The following TMEM132D variants were observed in gnomAD, a reference collection of about 807,000 sequenced individuals.
TMEM132D encodes transmembrane protein 132D, also known as mature OL transmembrane protein.
TMEM132D carries 21 observed loss-of-function variants against 62.3 expected under a neutral mutation model. That is an observed-to-expected ratio of 0.34 (90% CI 0.24 to 0.49). The LOEUF is 0.49. TMEM132D is among the 20% of genes least tolerant of loss of function. The pLI is 0.99. For missense variants in TMEM132D, 1,346 were observed against 1,402.8 expected (o/e 0.96, Z 0.65); for synonymous variants, 621 against 575.6 (o/e 1.08, Z -1.13).
At chr12:129,768,256 T>C (rs1015920994) in intron 1 of TMEM132D, among the ~76,000 whole-genome samples, 5 of 152,170 alleles carry the variant, frequency 3.3e-5, no homozygotes, top group African/African-American at 1.2e-4. Context: ...TGCTAGATCA[T>C]ATATTGATTC....
At chr12:129,558,244 T>A (rs2137111158) in intron 2 of TMEM132D, among the ~76,000 whole-genome samples, 1 of 152,262 alleles carries the variant, frequency 6.6e-6, no homozygotes, top group African/African-American at 2.4e-5. Context: ...GCATGAAAGA[T>A]CACATTCTGG....
intron 1 of TMEM132D, among the ~76,000 whole-genome samples, chr12:129,757,287 T>A (rs899262953): frequency 1.3e-5 from 2 of 152,204 alleles, no homozygotes; most frequent in Non-Finnish European, 2.9e-5. Context: ...GATGATGGAA[T>A]TCTGCTATTA....
chr12:129,788,120 T>G (rs1388549826), intron 1 of TMEM132D, among the ~76,000 whole-genome samples: 3 of 152,220 alleles, frequency 2.0e-5, no homozygotes, highest in Non-Finnish European at 2.9e-5. Context: ...ATCTCTGAAT[T>G]CATCAACATC....
chr12:129,544,924 C>A (rs527467216), intron 2 of TMEM132D, among the ~76,000 whole-genome samples: 1 of 152,282 alleles, frequency 6.6e-6, no homozygotes, highest in Admixed American at 6.5e-5. Context: ...GTCACAACAC[C>A]GCACCAGCGA....
At chr12:129,787,261 A>T (rs1371916497) in intron 1 of TMEM132D, among the ~76,000 whole-genome samples, 1 of 152,166 alleles carries the variant, frequency 6.6e-6, no homozygotes, top group Non-Finnish European at 1.5e-5. Flanking sequence ...AGTCAGGAGG[A>T]AAGAGAGACT....
At chr12:129,152,541 TAATGAGCAGTTTGC>T (rs1337825906) in intron 5 of TMEM132D, among the ~76,000 whole-genome samples, 1 of 152,178 alleles carries the variant, frequency 6.6e-6, no homozygotes, top group Non-Finnish European at 1.5e-5. Flanking sequence ...GGCTTTTTAA[TAATGAGCAGTTTGC>T]CTGGGCTGAG....
chr12:129,772,747 C>G (rs185364940), intron 1 of TMEM132D, among the ~76,000 whole-genome samples: 1 of 152,208 alleles, frequency 6.6e-6, no homozygotes, highest in Non-Finnish European at 1.5e-5. Flanking sequence ...TCTAAGCCAG[C>G]AGAGGCCCAG....
At chr12:129,095,356 T>TTG (rs1875077268) in intron 5 of TMEM132D, among the ~76,000 whole-genome samples, 1 of 144,558 alleles carries the variant, frequency 6.9e-6, no homozygotes, top group Admixed American at 6.9e-5. Flanking sequence ...GTTTTTTTTT[T>TTG]TTTTTTTTTT....
At chr12:129,396,371 G>A (rs1028032398) in intron 3 of TMEM132D, among the ~76,000 whole-genome samples, 4 of 152,106 alleles carry the variant, frequency 2.6e-5, no homozygotes, top group Admixed American at 2.0e-4. Flanking sequence ...GGACACACAT[G>A]CACTACAGTC....
At chr12:129,442,244 C>A (rs1872958923) in intron 3 of TMEM132D, among the ~76,000 whole-genome samples, 1 of 152,214 alleles carries the variant, frequency 6.6e-6, no homozygotes, top group Non-Finnish European at 1.5e-5. Context: ...TGCATTGACA[C>A]ATTCTGTTAG....
At chr12:129,220,490 TAC>T (rs1169420569) in intron 4 of TMEM132D, among the ~76,000 whole-genome samples, 1 of 152,230 alleles carries the variant, frequency 6.6e-6, no homozygotes, top group African/African-American at 2.4e-5. Flanking sequence ...GGATGAGATT[TAC>T]ACAGTGGAGA....
At chr12:129,296,133 C>T (rs1289890227) in intron 4 of TMEM132D, among the ~76,000 whole-genome samples, 1 of 152,050 alleles carries the variant, frequency 6.6e-6, no homozygotes, top group Non-Finnish European at 1.5e-5. Flanking sequence ...TACACACATA[C>T]ACACATCCTG....
intron 4 of TMEM132D, among the ~76,000 whole-genome samples, chr12:129,314,725 C>T (rs1868428535): frequency 2.6e-5 from 4 of 152,132 alleles, no homozygotes; most frequent in Admixed American, 2.6e-4. Flanking sequence ...TGGTCATTTT[C>T]ACAATATTGA....
At chr12:129,366,994 A>C (rs1402559650) in intron 3 of TMEM132D, among the ~76,000 whole-genome samples, 1 of 152,226 alleles carries the variant, frequency 6.6e-6, no homozygotes, top group African/African-American at 2.4e-5. Context: ...CGAGAAGACA[A>C]GGATCTTCAG....
At chr12:129,727,411 C>A (rs1383920141) in intron 1 of TMEM132D, among the ~76,000 whole-genome samples, 1 of 152,142 alleles carries the variant, frequency 6.6e-6, no homozygotes, top group African/African-American at 2.4e-5. Context: ...CCCACTTTCA[C>A]GACAATGGTA....
intron 2 of TMEM132D, among the ~76,000 whole-genome samples, chr12:129,592,243 A>G (rs147005117): frequency 6.6e-6 from 1 of 152,166 alleles, no homozygotes; most frequent in South Asian, 2.1e-4. Flanking sequence ...AAAATAGCTG[A>G]CTTGGAACTG....
In TMEM132D at chr12:129,473,728, C is replaced by T. The variant is rs1479577320; in HGVS notation, c.1115+57331G>A. ...ATAGAATAGTGTAAACATAACTTTT[C>T]TATGTACTGGAAAACCACACACAAA... On this transcript the variant is annotated intron_variant, in intron 3 of 8. Coordinates refer to ENST00000422113, the MANE Select transcript of TMEM132D (RefSeq NM_133448.3). Among the ~76,000 whole-genome samples, 3 of 152,168 alleles carry T rather than the reference C, an allele frequency of 2.0e-5. No individual in the cohort carries two copies. In the East Asian group the frequency reaches 5.8e-4, roughly 29 times the overall value.
At position 129,101,412 on chromosome 12, in the gene TMEM132D, T is replaced by C. The variant is rs540946896; in HGVS notation, c.1444-16710A>G. On this transcript the variant is annotated intron_variant, in intron 5 of 8. Coordinates refer to ENST00000422113, the MANE Select transcript of TMEM132D (RefSeq NM_133448.3). Reference sequence around the variant, plus strand: ...AGCTGGTATGACCAGCTCAGTGGTCTCCAGTTACTGGAGTCCCCACCATTC... The same window carrying C: ...AGCTGGTATGACCAGCTCAGTGGTCCCCAGTTACTGGAGTCCCCACCATTC... Among the ~76,000 whole-genome samples the C allele has an allele frequency of 1.4e-4, 22 of 152,278 alleles. No individual in the cohort carries two copies. In the South Asian group the frequency reaches 3.1e-3, roughly 22 times the overall value.
At chr12:129,573,352 G>A (rs1465576170) in intron 2 of TMEM132D, among the ~76,000 whole-genome samples, 1 of 152,124 alleles carries the variant, frequency 6.6e-6, no homozygotes, top group Non-Finnish European at 1.5e-5. Context: ...GAGAGAAGAG[G>A]GAGGCTTGAT....
Sources: allele counts gnomAD v4.1 joint callset (sites outside exome capture counted in the v4.1 genomes callset), GRCh38; gene constraint gnomAD v4.1.1; transcripts MANE v1.5; gene names NCBI Gene and HGNC (gene_info 2026-07-23, HGNC 2026-07-21).